Variants in ZBTB7C observed in about 807,000 individuals in gnomAD.
ZBTB7C encodes zinc finger and BTB domain-containing protein 7C.
A neutral mutation model predicts 25.7 loss-of-function variants in ZBTB7C; 8 were observed. The observed-to-expected ratio is 0.31, with a 90% CI of 0.18 to 0.56. The LOEUF (loss-of-function observed/expected upper bound fraction) is 0.56. Ranked by LOEUF, ZBTB7C falls within the 20% of genes least tolerant of loss-of-function variation. The probability of loss-of-function intolerance (pLI) is 0.91; values close to 1 mark genes in which losing one functional copy is unlikely to be tolerated. For synonymous variants in ZBTB7C, 394 were observed against 369.0 expected, an observed-to-expected ratio of 1.07 and a Z score of -0.78; for missense variants, 824 against 855.2, an observed-to-expected ratio of 0.96 and a Z score of 0.46.
intron 2 of ZBTB7C, among the ~76,000 whole-genome samples, chr18:48,281,445 C>A (rs1336470913): frequency 4.6e-5 from 7 of 152,162 alleles, no homozygotes; most frequent in African/African-American, 1.4e-4. Flanking sequence ...GCAACAAAAG[C>A]CAAAATTGAC....
chr18:48,387,719 C>T (rs924077024), intron 1 of ZBTB7C, among the ~76,000 whole-genome samples: 3 of 152,168 alleles, frequency 2.0e-5, no homozygotes, highest in Non-Finnish European at 2.9e-5. Context: ...TTATCAGAAG[C>T]GGCAAACCAG....
rs2043357111 is a variant in ZBTB7C at position 48,235,556 on chromosome 18, G to T, written c.-78-49561C>A. 3.3e-5 allele frequency among the ~76,000 whole-genome samples: 5 copies of T among 152,010 alleles called. No individual in the cohort carries two copies. In the South Asian group the frequency reaches 1.0e-3, roughly 32 times the overall value. On this transcript the variant is annotated intron_variant, in intron 2 of 4. Coordinates refer to ENST00000590800, the MANE Select transcript of ZBTB7C (RefSeq NM_001318841.2). The stretch of plus-strand genomic sequence containing the variant: ...TTATATTTACCCATCTGTTTACCAA[G>T]GTTTTTGTTCTCCATTGCATCTTAG...
intron 1 of ZBTB7C, among the ~76,000 whole-genome samples, chr18:48,366,559 T>C (rs763907365): frequency 1.7e-4 from 26 of 152,210 alleles, no homozygotes; most frequent in Non-Finnish European, 2.9e-4. Context: ...ATTTCCTTGC[T>C]ACGTAATTAT....
chr18:48,142,356 G>A (rs554061598), intron 3 of ZBTB7C, among the ~76,000 whole-genome samples: 72 of 152,318 alleles, frequency 4.7e-4, no homozygotes, highest in South Asian at 4.1e-4. Flanking sequence ...GAGACCAGCC[G>A]GTGCTTGTCT....
intron 2 of ZBTB7C, among the ~76,000 whole-genome samples, chr18:48,319,500 CAT>C (rs1306763863): frequency 7.9e-5 from 12 of 152,144 alleles, no homozygotes; most frequent in African/African-American, 2.7e-4. Context: ...TCACTCCACA[CAT>C]GTTTTTTATA....
At chr18:48,297,373 G>A (rs1007321513) in intron 2 of ZBTB7C, among the ~76,000 whole-genome samples, 2 of 152,088 alleles carry the variant, frequency 1.3e-5, no homozygotes, top group African/African-American at 4.8e-5. Context: ...TTATAGACAC[G>A]GTAGAAGTCC....
At chr18:48,101,550 A>G (rs2038831357) in intron 3 of ZBTB7C, among the ~76,000 whole-genome samples, 1 of 152,098 alleles carries the variant, frequency 6.6e-6, no homozygotes, top group Non-Finnish European at 1.5e-5. Context: ...TGAGGCTTTG[A>G]TTTTCTAAGC....
At chr18:48,225,527 C>T (rs941003870) in intron 2 of ZBTB7C, among the ~76,000 whole-genome samples, 1 of 152,134 alleles carries the variant, frequency 6.6e-6, no homozygotes, top group Non-Finnish European at 1.5e-5. Flanking sequence ...TTCCTTCCAT[C>T]CATATACACA....
intron 1 of ZBTB7C, among the ~76,000 whole-genome samples, chr18:48,343,879 C>T (rs956869740): frequency 1.1e-4 from 17 of 152,206 alleles, no homozygotes; most frequent in African/African-American, 4.1e-4. Flanking sequence ...CTTCCCTCTG[C>T]ACTCCCTCCC....
In ZBTB7C at chr18:48,160,772, C is replaced by T. The variant is rs146197807; in HGVS notation, c.-17+25162G>A. On this transcript the variant is annotated intron_variant, in intron 3 of 4. Transcript: ENST00000590800. Reference sequence around the variant, plus strand: ...GGGATGAGTGAGAAGTTGAACTGGCCGCAGGGAGAGACACCTGAGAGGGCA... The same window carrying T: ...GGGATGAGTGAGAAGTTGAACTGGCTGCAGGGAGAGACACCTGAGAGGGCA... Among the ~76,000 whole-genome samples the T allele has an allele frequency of 3.1e-3, 468 of 152,030 alleles. 1 individual carries two copies. The highest frequency in any genetic ancestry group is 4.3e-3 in the Non-Finnish European group (294 of 67,996).
intron 3 of ZBTB7C, among the ~76,000 whole-genome samples, chr18:48,100,854 G>A (rs555498715): frequency 6.6e-6 from 1 of 152,136 alleles, no homozygotes; most frequent in East Asian, 1.9e-4. Flanking sequence ...ATGCAGATGA[G>A]CCTCTCTGGG....
chr18:48,038,085 A>C (rs1405130682), intron 4 of ZBTB7C, among the ~76,000 whole-genome samples: 2 of 152,090 alleles, frequency 1.3e-5, no homozygotes, highest in Non-Finnish European at 2.9e-5. Context: ...AGCATCACCC[A>C]CGGTGGCATT....
At chr18:48,402,206 T>C (rs2048174819) in intron 1 of ZBTB7C, among the ~76,000 whole-genome samples, 2 of 151,210 alleles carry the variant, frequency 1.3e-5, no homozygotes, top group Admixed American at 1.3e-4. Flanking sequence ...CCTAAACACA[T>C]GAATCCAGTG....
chr18:48,041,174 A>AG (rs141199664), intron 3 of ZBTB7C, 51 bp from the exon 4 acceptor site: 40,764 of 1,526,820 alleles, frequency 0.027, 2,907 homozygotes, highest in African/African-American at 0.23. Flanking sequence ...TGGCCCCAGG[A>AG]GGGGTCTCAA....
rs373469821 is a variant in ZBTB7C, at chr18:48,169,370, A to G, written c.-17+16564T>C. On this transcript the variant is annotated intron_variant, in intron 3 of 4. Transcript: ENST00000590800. ...GTTTCAGCTCCCCAAACTAGATCAC[A>G]CGACTTCATGGGCTAGAGCTGTGTC... is the stretch of plus-strand genomic sequence containing the variant. Among the ~76,000 whole-genome samples, 148 of 152,228 alleles carry G rather than the reference A, an allele frequency of 9.7e-4. 1 individual carries two copies. Among genetic ancestry groups the G allele is most frequent in the African/African-American group, 3.3e-3 (138 of 41,522 alleles).
intron 4 of ZBTB7C, among the ~76,000 whole-genome samples, chr18:48,035,680 GT>G (rs1284560114): frequency 6.6e-6 from 1 of 152,194 alleles, no homozygotes; most frequent in Admixed American, 6.5e-5. Context: ...AAGCATAGCA[GT>G]GTCCCTGTGC....
rs1161809469 is a variant in ZBTB7C at position 48,029,333 on chromosome 18, G to A, written c.1787C>T (p.Ala596Val). The change falls in exon 5 of 5, where the codon GCC (alanine) becomes GTC (valine). Residue 596 changes from alanine (A) to valine (V), a missense_variant. Coordinates refer to ENST00000590800, the MANE Select transcript of ZBTB7C (RefSeq NM_001318841.2). ...RPYFPLPDPW[A>V]AGLAGLPGLA... ...CCCAGGGAGGCCGGCCAGGCCGGCG[G>A]CCCAAGGGTCGGGCAGCGGGAAGTA... is the stretch of plus-strand genomic sequence containing the variant. The A allele has an allele frequency of 6.5e-7, 1 of 1,541,956 alleles. No individual in the cohort carries two copies. The highest frequency in any genetic ancestry group is 8.7e-7 in the Non-Finnish European group (1 of 1,149,184).
chr18:48,104,779 G>A (rs954629704), intron 3 of ZBTB7C, among the ~76,000 whole-genome samples: 18 of 152,188 alleles, frequency 1.2e-4, no homozygotes, highest in African/African-American at 4.3e-4. Flanking sequence ...TTCACTGGGT[G>A]GTCCATCCCC....
rs143091804 is a variant in ZBTB7C, at chr18:48,086,286, A to G, written c.-16-45163T>C. Reference sequence around the variant, plus strand: ...ACAACAACCTCATAAGGTAGATACTATTATTATCATCCCCATTTTATAGGT... The same window carrying G: ...ACAACAACCTCATAAGGTAGATACTGTTATTATCATCCCCATTTTATAGGT... On this transcript the variant is annotated intron_variant, in intron 3 of 4. Coordinates refer to ENST00000590800, the MANE Select transcript of ZBTB7C (RefSeq NM_001318841.2). Among the ~76,000 whole-genome samples the G allele has an allele frequency of 6.5e-4, 99 of 152,284 alleles. 1 individual carries two copies. Among genetic ancestry groups the G allele is most frequent in the Admixed American group, 1.3e-3 (20 of 15,304 alleles).
Sources: gnomAD v4.1 joint callset for allele counts (sites outside exome capture counted in the v4.1 genomes callset) on GRCh38, gnomAD v4.1.1 for gene constraint, MANE v1.5 for transcripts, NCBI Gene and HGNC (gene_info 2026-07-23, HGNC 2026-07-21) for gene names.